The following GAP43 variants were observed in gnomAD, a reference collection of about 807,000 sequenced individuals.
The protein encoded by GAP43 is growth associated protein 43, also known as neuromodulin.
Under a neutral mutation model 18.6 loss-of-function variants are expected in GAP43, and 6 were observed. The ratio of observed to expected loss-of-function variants is 0.32; its 90% CI spans 0.18 to 0.64. The LOEUF (loss-of-function observed/expected upper bound fraction) is 0.64, where lower values mean the gene tolerates loss of function less well. Among genes scored for constraint, GAP43 ranks in the 30% least tolerant of loss-of-function variants. GAP43 has a pLI of 0.78. For missense variants in GAP43, 292 were observed against 295.5 expected, an observed-to-expected ratio of 0.99 and a Z score of 0.09; for synonymous variants, 115 against 111.4, an observed-to-expected ratio of 1.03 and a Z score of -0.20.
intron 1 of GAP43, among the ~76,000 whole-genome samples, chr3:115,645,905 C>A (rs1469353783): frequency 6.6e-6 from 1 of 151,998 alleles, no homozygotes; most frequent in East Asian, 1.9e-4. Context: ...AGACACAAAA[C>A]TCTTAACTCC....
chr3:115,685,941 A>T (rs1347906255), intron 2 of GAP43, among the ~76,000 whole-genome samples: 1 of 152,226 alleles, frequency 6.6e-6, no homozygotes, highest in Non-Finnish European at 1.5e-5. Flanking sequence ...ACCATTCATT[A>T]TGATTTTATC....
intron 1 of GAP43, among the ~76,000 whole-genome samples, chr3:115,674,724 T>C (rs1300881545): frequency 6.6e-6 from 1 of 152,228 alleles, no homozygotes; most frequent in African/African-American, 2.4e-5. Context: ...GGTAAGTTTA[T>C]TGCTAATGTT....
At chr3:115,681,641 A>G (rs1391842856) in intron 2 of GAP43, among the ~76,000 whole-genome samples, 1 of 152,144 alleles carries the variant, frequency 6.6e-6, no homozygotes, top group Non-Finnish European at 1.5e-5. Flanking sequence ...AGGGACTACG[A>G]TAGTTGGTTT....
intron 1 of GAP43, among the ~76,000 whole-genome samples, chr3:115,631,822 T>C (rs1708263177): frequency 1.3e-5 from 2 of 152,188 alleles, no homozygotes; most frequent in Admixed American, 6.5e-5. Context: ...GGTTTCACCA[T>C]GTTGCCCAGG....
chr3:115,627,186 T>TCG (rs1708201133), intron 1 of GAP43, among the ~76,000 whole-genome samples: 1 of 149,328 alleles, frequency 6.7e-6, no homozygotes, highest in Non-Finnish European at 1.5e-5. Context: ...CCTTAGAAAA[T>TCG]TCATGGTGAG....
intron 2 of GAP43, among the ~76,000 whole-genome samples, chr3:115,718,164 T>G (rs1709534874): frequency 6.6e-6 from 1 of 152,238 alleles, no homozygotes; most frequent in Non-Finnish European, 1.5e-5. Flanking sequence ...AAGTCTTCTC[T>G]TGTTCCTATA....
At position 115,683,147 on chromosome 3, in the gene GAP43, G is replaced by GCGCGCACA. The variant is rs1252333447; in HGVS notation, c.628+6538_628+6539insGCGCACAC. On this transcript the variant is annotated intron_variant, in intron 2 of 2. Transcript: ENST00000305124. ...TGTGCGCGCGCGTGCGCGCGCGCGC[G>GCGCGCACA]CACACACACACACACACACACACAC... Among the ~76,000 whole-genome samples the GCGCGCACA allele has an allele frequency of 2.5e-3, 316 of 127,408 alleles. 2 individuals carry two copies. Among genetic ancestry groups the GCGCGCACA allele is most frequent in the South Asian group, 8.8e-3 (29 of 3,278 alleles). 83.6% of individuals were successfully genotyped at this position (127,408 alleles called of 152,430 possible).
rs556976186 is a variant in GAP43, at chr3:115,661,662, G to A, written c.31-14351G>A. Among the ~76,000 whole-genome samples the A allele has an allele frequency of 4.0e-5, 6 of 151,760 alleles. No homozygotes were observed. In the South Asian group the frequency reaches 8.4e-4, roughly 21 times the overall value. On this transcript the variant is annotated intron_variant, in intron 1 of 2. Transcript: ENST00000305124. ...CGCCACCAAGCCTGGCTAATTTTTC[G>A]TATTTTTAGTAGAGATGGGGTTTCA...
intron 1 of GAP43, among the ~76,000 whole-genome samples, chr3:115,661,474 TTTTGTTTG>T (rs1011890881): frequency 3.4e-4 from 51 of 152,066 alleles, no homozygotes; most frequent in African/African-American, 9.9e-4. Flanking sequence ...ATGACTTTGT[TTTTGTTTG>T]TTTGTTTGTT....
intron 1 of GAP43, among the ~76,000 whole-genome samples, chr3:115,658,301 T>G (rs531028174): frequency 3.0e-4 from 46 of 152,256 alleles, no homozygotes; most frequent in Non-Finnish European, 5.9e-4. Flanking sequence ...TTCTCCCCAC[T>G]TTGCTTCTTA....
intron 1 of GAP43, among the ~76,000 whole-genome samples, chr3:115,629,841 T>C (rs887486136): frequency 6.6e-6 from 1 of 152,192 alleles, no homozygotes; most frequent in Non-Finnish European, 1.5e-5. Context: ...TCTAAATGGA[T>C]AGAATCACTA....
intron 1 of GAP43, among the ~76,000 whole-genome samples, chr3:115,675,720 T>A (rs1347672106): frequency 1.6e-5 from 2 of 124,390 alleles, no homozygotes; most frequent in South Asian, 5.3e-4. Flanking sequence ...GACCACGCCA[T>A]TGTACTCCAG....
rs577431615 is a variant in GAP43, at chr3:115,644,882, G to A, written c.30+21163G>A. On this transcript the variant is annotated intron_variant, in intron 1 of 2. Transcript: ENST00000305124. This position sits in a 1 kb window ranked among gnomAD's most constrained non-coding sequence, Gnocchi z 4.2. ...GCTGGATCATCAGAGGTTTCATTTC[G>A]GATAGAAGTGAGGTCATAGCTCTGC... Among the ~76,000 whole-genome samples the A allele has an allele frequency of 2.6e-5, 4 of 152,094 alleles. No individual in the cohort carries two copies. In the South Asian group the frequency reaches 6.2e-4, roughly 24 times the overall value.
intron 2 of GAP43, among the ~76,000 whole-genome samples, chr3:115,688,655 A>G (rs72943762): frequency 0.01 from 1,534 of 152,284 alleles, 16 homozygotes; most frequent in African/African-American, 0.034. Context: ...AATGGGGCCA[A>G]TTCTTATTTA....
At chr3:115,625,260 T>G (rs1459646640) in intron 1 of GAP43, among the ~76,000 whole-genome samples, 2 of 140,540 alleles carry the variant, frequency 1.4e-5, no homozygotes. Flanking sequence ...TGGGGCTATT[T>G]GGGGGAAAAA....
chr3:115,696,250 G>T (rs1368875095), intron 2 of GAP43, among the ~76,000 whole-genome samples: 3 of 151,702 alleles, frequency 2.0e-5, no homozygotes, highest in Admixed American at 2.0e-4. Flanking sequence ...TCCTTCTCCC[G>T]TCTTTCTCAT....
At chr3:115,698,247 A>ATTATAT (rs1491268636) in intron 2 of GAP43, among the ~76,000 whole-genome samples, 1 of 14,442 alleles carries the variant, frequency 6.9e-5, no homozygotes, top group African/African-American at 1.3e-4. Context: ...AAATATATAT[A>ATTATAT]ATATATAATA....
chr3:115,720,655 T>TATTA, intron 2 of GAP43, 139 bp from the exon 3 acceptor site: 1 of 562,740 alleles, frequency 1.8e-6, no homozygotes. Flanking sequence ...TTAACTGGGA[T>TATTA]ATTAATAATC....
intron 2 of GAP43, among the ~76,000 whole-genome samples, chr3:115,686,814 G>A (rs916625097): frequency 6.6e-6 from 1 of 152,178 alleles, no homozygotes; most frequent in African/African-American, 2.4e-5. Context: ...GGTTCAGATT[G>A]ATTTGCAACC....
Sources: allele counts gnomAD v4.1 joint callset (sites outside exome capture counted in the v4.1 genomes callset), GRCh38; gene constraint gnomAD v4.1.1; non-coding constraint Gnocchi (gnomAD v3.1); transcripts MANE v1.5; gene names NCBI Gene and HGNC (gene_info 2026-07-23, HGNC 2026-07-21).